TGFA: variants seen among roughly 807,000 people sequenced by gnomAD.
TGFA encodes the protein protransforming growth factor alpha.
A neutral mutation model predicts 21.7 loss-of-function variants in TGFA; 12 were observed. The ratio of observed to expected loss-of-function variants is 0.55; its 90% CI spans 0.35 to 0.90. The LOEUF is 0.90. Ranked by LOEUF, TGFA falls within the 40% of genes least tolerant of loss-of-function variation. The pLI is 0.01. For missense variants in TGFA, 178 were observed against 210.8 expected (o/e 0.84, Z 0.96); for synonymous variants, 79 against 88.1 (o/e 0.90, Z 0.58).
chr2:70,550,813 T>G (rs1055308794), intron 1 of TGFA, among the ~76,000 whole-genome samples: 1 of 152,126 alleles, frequency 6.6e-6, no homozygotes, highest in African/African-American at 2.4e-5. Context: ...AGAGCGAGAC[T>G]CCGTCTCAAA....
intron 2 of TGFA, among the ~76,000 whole-genome samples, chr2:70,491,782 C>T (rs1411545132): frequency 6.6e-6 from 1 of 152,144 alleles, no homozygotes; most frequent in African/African-American, 2.4e-5. Context: ...TATGGCTTCC[C>T]TGCCCTGTGC....
chr2:70,475,206 T>A (rs782738539), intron 2 of TGFA, among the ~76,000 whole-genome samples: 17 of 152,228 alleles, frequency 1.1e-4, no homozygotes, highest in Non-Finnish European at 2.4e-4. Context: ...TAACCCAATG[T>A]AGAATTTTCT....
chr2:70,545,131 A>G (rs1372291444), intron 1 of TGFA, among the ~76,000 whole-genome samples: 4 of 152,174 alleles, frequency 2.6e-5, no homozygotes, highest in Admixed American at 6.5e-5. Flanking sequence ...CAGGTACCCT[A>G]TAAATATATA....
chr2:70,483,891 T>A (rs528968889), intron 2 of TGFA, among the ~76,000 whole-genome samples: 27 of 152,338 alleles, frequency 1.8e-4, no homozygotes, highest in Admixed American at 8.5e-4. Flanking sequence ...ACTTACTAGA[T>A]GATGTATCAG....
intron 1 of TGFA, among the ~76,000 whole-genome samples, chr2:70,551,794 T>G (rs1673519655): frequency 1.3e-5 from 2 of 152,160 alleles, no homozygotes; most frequent in African/African-American, 2.4e-5. Flanking sequence ...TTAAAGTTTA[T>G]ACATCATTTT....
intron 2 of TGFA, among the ~76,000 whole-genome samples, chr2:70,501,639 C>T (rs1455706264): frequency 1.3e-5 from 2 of 152,132 alleles, no homozygotes; most frequent in Non-Finnish European, 2.9e-5. Flanking sequence ...TCCACGTTGT[C>T]CCCCAGATGG....
At chr2:70,522,107 T>C (rs1454533925) in intron 1 of TGFA, among the ~76,000 whole-genome samples, 1 of 152,236 alleles carries the variant, frequency 6.6e-6, no homozygotes, top group Non-Finnish European at 1.5e-5. Context: ...TCCTCTCTAG[T>C]GCGGTCAGGA....
intron 2 of TGFA, among the ~76,000 whole-genome samples, chr2:70,508,818 A>T (rs1672008964): frequency 6.6e-6 from 1 of 152,198 alleles, no homozygotes; most frequent in South Asian, 2.1e-4. Context: ...TTGATGGCAG[A>T]ACGGAGGTTC....
chr2:70,552,519 A>C (rs1673542717), intron 1 of TGFA, among the ~76,000 whole-genome samples: 1 of 152,222 alleles, frequency 6.6e-6, no homozygotes, highest in Non-Finnish European at 1.5e-5. Flanking sequence ...TCCCATACCC[A>C]TGTTACCTGC....
At chr2:70,500,249 G>A (rs1045753810) in intron 2 of TGFA, among the ~76,000 whole-genome samples, 2 of 152,068 alleles carry the variant, frequency 1.3e-5, no homozygotes, top group Admixed American at 6.5e-5. Flanking sequence ...ACATGCAAGT[G>A]GCCTGGGCAT....
chr2:70,531,340 A>C (rs1197843101), intron 1 of TGFA, among the ~76,000 whole-genome samples: 1 of 152,190 alleles, frequency 6.6e-6, no homozygotes, highest in Non-Finnish European at 1.5e-5. Flanking sequence ...CCTTGCTGGG[A>C]AGCCAATCCT....
At chr2:70,520,485 G>C (rs1672412702) in intron 1 of TGFA, among the ~76,000 whole-genome samples, 1 of 151,656 alleles carries the variant, frequency 6.6e-6, no homozygotes, top group Admixed American at 6.6e-5. Flanking sequence ...CTGCACTCCA[G>C]CCTGGGTGAC....
chr2:70,533,330 A>C (rs1672873020), intron 1 of TGFA, among the ~76,000 whole-genome samples: 3 of 147,596 alleles, frequency 2.0e-5, no homozygotes, highest in African/African-American at 5.0e-5. Context: ...CCCTACCCCC[A>C]CCCCCCAACA....
At chr2:70,469,318 T>C (rs1670664074) in intron 2 of TGFA, among the ~76,000 whole-genome samples, 3 of 142,272 alleles carry the variant, frequency 2.1e-5, no homozygotes, top group Admixed American at 6.9e-5. Context: ...TGCAGGTAAT[T>C]AATTAATTAA....
intron 1 of TGFA, among the ~76,000 whole-genome samples, chr2:70,549,472 A>T (rs781969480): frequency 3.3e-5 from 5 of 152,126 alleles, no homozygotes; most frequent in African/African-American, 9.7e-5. Flanking sequence ...CCTCCCACCT[A>T]CTGAATCACA....
At chr2:70,457,862 C>G (rs369869425) in intron 3 of TGFA, among the ~76,000 whole-genome samples, 2 of 152,104 alleles carry the variant, frequency 1.3e-5, no homozygotes, top group South Asian at 2.1e-4. Context: ...GACTTCTTAA[C>G]AGAGCAGCCC....
At chr2:70,500,897 G>A (rs1254611687) in intron 2 of TGFA, among the ~76,000 whole-genome samples, 2 of 151,812 alleles carry the variant, frequency 1.3e-5, no homozygotes, top group Admixed American at 1.3e-4. Context: ...CCTTGGCTGT[G>A]CAGAAGCATT....
intron 1 of TGFA, among the ~76,000 whole-genome samples, chr2:70,533,874 T>C (rs1405616136): frequency 1.1e-4 from 16 of 152,230 alleles, no homozygotes; most frequent in African/African-American, 3.4e-4. Flanking sequence ...ATCCACATTT[T>C]TTTTTTCCAG....
chr2:70,465,591 C>A, intron 3 of TGFA, 25 bp downstream of exon 3: 1 of 1,613,952 alleles, frequency 6.2e-7, no homozygotes, highest in Non-Finnish European at 8.5e-7. Context: ...AGCCCCAGAT[C>A]TCCAGGAGAA....
Sources: allele counts gnomAD v4.1 joint callset (sites outside exome capture counted in the v4.1 genomes callset), GRCh38; gene constraint gnomAD v4.1.1; transcripts MANE v1.5; gene names NCBI Gene and HGNC (gene_info 2026-07-23, HGNC 2026-07-21).